Variants in LMNTD1 observed in about 807,000 individuals in gnomAD.
LMNTD1 encodes the protein lamin tail domain-containing protein 1.
Under a neutral mutation model 50.9 loss-of-function variants are expected in LMNTD1, and 35 were observed. The observed-to-expected ratio is 0.69, with a 90% CI of 0.53 to 0.91. LMNTD1 has a LOEUF of 0.91. Among genes scored for constraint, LMNTD1 ranks in the 40% least tolerant of loss-of-function variants. The pLI is 0.00. For synonymous variants in LMNTD1, 153 were observed against 161.9 expected (o/e 0.94, Z 0.42); for missense variants, 470 against 475.5 (o/e 0.99, Z 0.11).
intron 8 of LMNTD1, among the ~76,000 whole-genome samples, chr12:25,504,309 T>G (rs1939582358): frequency 6.6e-6 from 1 of 152,188 alleles, no homozygotes; most frequent in Non-Finnish European, 1.5e-5. Context: ...GCTATGTCAG[T>G]CAACTCCAGC....
chr12:25,499,517 T>A (rs1939259357), intron 9 of LMNTD1, among the ~76,000 whole-genome samples: 1 of 152,212 alleles, frequency 6.6e-6, no homozygotes, highest in African/African-American at 2.4e-5. Context: ...TTAGCTATTA[T>A]ATTTCATTAT....
At chr12:25,631,550 C>T (rs1048026912) in intron 1 of LMNTD1, among the ~76,000 whole-genome samples, 12 of 152,158 alleles carry the variant, frequency 7.9e-5, no homozygotes, top group African/African-American at 2.9e-4. Flanking sequence ...AGAGAGACAA[C>T]AATCACTGCA....
At chr12:25,627,387 CT>C (rs942570040) in intron 1 of LMNTD1, among the ~76,000 whole-genome samples, 5 of 152,220 alleles carry the variant, frequency 3.3e-5, no homozygotes, top group Middle Eastern at 3.4e-3. Context: ...TTCATGATGA[CT>C]TTTTTCCCCA....
At chr12:25,607,754 C>G (rs36131836) in intron 1 of LMNTD1, among the ~76,000 whole-genome samples, 24,799 of 152,048 alleles carry the variant, frequency 0.16, 2,638 homozygotes, top group East Asian at 0.59. Flanking sequence ...TTACTTCCAA[C>G]TATGTGGTCA....
intron 4 of LMNTD1, among the ~76,000 whole-genome samples, chr12:25,537,147 G>A (rs1005101331): frequency 6.6e-6 from 1 of 152,168 alleles, no homozygotes; most frequent in Non-Finnish European, 1.5e-5. Flanking sequence ...GCGAGGCTGG[G>A]GGAGGGGCGC....
chr12:25,519,775 A>G, intron 7 of LMNTD1, 83 bp downstream of exon 7: 1 of 861,950 alleles, frequency 1.2e-6, no homozygotes, highest in South Asian at 1.5e-5. Context: ...TCACACATCC[A>G]TTTGTCATCT....
At chr12:25,539,982 G>A (rs1377820698) in intron 4 of LMNTD1, among the ~76,000 whole-genome samples, 39 of 149,150 alleles carry the variant, frequency 2.6e-4, no homozygotes, top group Non-Finnish European at 6.0e-5. Context: ...TAGAAGAAAT[G>A]GATAAATTCC....
chr12:25,493,132 T>C (rs1938941872), intron 9 of LMNTD1, among the ~76,000 whole-genome samples: 1 of 152,246 alleles, frequency 6.6e-6, no homozygotes, highest in Non-Finnish European at 1.5e-5. Flanking sequence ...AGTACTTCTA[T>C]GATTCTTTAA....
intron 4 of LMNTD1, among the ~76,000 whole-genome samples, chr12:25,535,711 A>C (rs781047289): frequency 6.6e-6 from 1 of 152,144 alleles, no homozygotes; most frequent in Non-Finnish European, 1.5e-5. Flanking sequence ...AAGATGGTAG[A>C]CTAAACCTAA....
At position 25,519,942 on chromosome 12, in the gene LMNTD1, G is replaced by A. The variant is rs773815123; in HGVS notation, c.932C>T (p.Ala311Val). The change falls in exon 7 of 10, where the codon GCT becomes GTT. Residue 311 changes from alanine to valine, a missense_variant. Coordinates refer to ENST00000458174, the MANE Select transcript of LMNTD1 (RefSeq NM_001145728.2). ...KRVFQWTAST[A>V]TITKEKQDQP... is the part of the protein sequence containing the mutation. The stretch of plus-strand genomic sequence containing the variant: ...ATCTTGTTTTTCTTTAGTTATTGTA[G>A]CTGTAGATGCTGTCCACTGAAACAC... The A allele has an allele frequency of 6.2e-7, 1 of 1,612,918 alleles. No individual in the cohort carries two copies. The highest frequency in any genetic ancestry group is 1.1e-5 in the South Asian group (1 of 91,024).
At chr12:25,628,697 A>T (rs1946649003) in intron 1 of LMNTD1, among the ~76,000 whole-genome samples, 1 of 152,164 alleles carries the variant, frequency 6.6e-6, no homozygotes, top group African/African-American at 2.4e-5. Context: ...CAATGAAGCA[A>T]ACATTTGAGT....
chr12:25,586,719 A>G (rs1171833866), intron 1 of LMNTD1, among the ~76,000 whole-genome samples: 3 of 152,156 alleles, frequency 2.0e-5, no homozygotes, highest in African/African-American at 7.2e-5. Context: ...ATGACAACCA[A>G]CAATATAGGA....
intron 1 of LMNTD1, among the ~76,000 whole-genome samples, chr12:25,572,173 C>T (rs1281762097): frequency 6.6e-6 from 1 of 152,186 alleles, no homozygotes; most frequent in African/African-American, 2.4e-5. Context: ...AGAGCATTGT[C>T]ATAAGAATAT....
At chr12:25,634,186 A>G (rs1863278223) in intron 1 of LMNTD1, among the ~76,000 whole-genome samples, 1 of 152,212 alleles carries the variant, frequency 6.6e-6, no homozygotes, top group African/African-American at 2.4e-5. Flanking sequence ...TGAAATGGTA[A>G]TTACAAAATT....
chr12:25,531,938 G>A (rs186697023), intron 4 of LMNTD1, among the ~76,000 whole-genome samples: 13 of 150,320 alleles, frequency 8.6e-5, no homozygotes, highest in African/African-American at 1.4e-4. Flanking sequence ...ATTAATTTCC[G>A]TTACTGGATT....
intron 1 of LMNTD1, chr12:25,630,725 C>G (rs570365253): frequency 1.3e-5 from 2 of 152,264 alleles, no homozygotes; most frequent in Non-Finnish European, 2.9e-5. Context: ...ATTGGGAGGG[C>G]GACCGGAGGA....
intron 6 of LMNTD1, 38 bp from the exon 7 acceptor site, chr12:25,520,113 T>C: frequency 8.2e-7 from 1 of 1,221,174 alleles, no homozygotes; most frequent in Non-Finnish European, 1.2e-6. Flanking sequence ...CTATGTATAT[T>C]TGAGGTTTAC....
At chr12:25,529,052 T>C (rs756434383) in intron 4 of LMNTD1, among the ~76,000 whole-genome samples, 1 of 152,192 alleles carries the variant, frequency 6.6e-6, no homozygotes, top group South Asian at 2.1e-4. Flanking sequence ...TCACAATCGG[T>C]AAATTGAGTG....
At chr12:25,543,737 CT>C (rs1438221805) in intron 4 of LMNTD1, among the ~76,000 whole-genome samples, 1 of 151,562 alleles carries the variant, frequency 6.6e-6, no homozygotes, top group Non-Finnish European at 1.5e-5. Flanking sequence ...ATAAACTTCC[CT>C]TTTAGTACTG....
Sources: gnomAD v4.1 joint callset for allele counts (sites outside exome capture counted in the v4.1 genomes callset) on GRCh38, gnomAD v4.1.1 for gene constraint, MANE v1.5 for transcripts, NCBI Gene and HGNC (gene_info 2026-07-23, HGNC 2026-07-21) for gene names.